The following TAX1BP3 variants were observed in gnomAD, a reference collection of about 807,000 sequenced individuals.
TAX1BP3 encodes the protein tax1-binding protein 3.
Under a neutral mutation model 15.3 loss-of-function variants are expected in TAX1BP3, and 13 were observed. That is an observed-to-expected ratio of 0.85 (90% confidence interval 0.55 to 1.35). The LOEUF is 1.35. Ranked by LOEUF, TAX1BP3 falls within the 40% of genes most tolerant of loss-of-function variation. The pLI, the probability that TAX1BP3 is intolerant of heterozygous loss-of-function variation, is 0.00. For synonymous variants in TAX1BP3, 70 were observed against 66.0 expected (o/e 1.06, Z -0.30); for missense variants, 147 against 169.6 (o/e 0.87, Z 0.74).
intron 2 of TAX1BP3, 130 bp downstream of exon 2, chr17:3,664,549 C>T (rs564877584): frequency 2.3e-4 from 309 of 1,335,226 alleles, no homozygotes; most frequent in Non-Finnish European, 3.1e-4. Context: ...AGGTCACTTC[C>T]GATGCCTTCT....
Position 3,663,057 on chromosome 17 carries a change from C to T in TAX1BP3, c.*691G>A, listed in dbSNP as rs900900699. On this transcript the variant is annotated 3_prime_UTR_variant, in exon 4 of 4. Coordinates refer to ENST00000225525, the MANE Select transcript of TAX1BP3 (RefSeq NM_014604.4). Reference sequence around the variant, plus strand: ...GCATCTCCAAAGAGTACGATAAAAACATTTTGTATCAAACTTGTGATTAAA... The same window carrying T: ...GCATCTCCAAAGAGTACGATAAAAATATTTTGTATCAAACTTGTGATTAAA... The T allele has an allele frequency of 6.6e-6, 1 of 152,212 alleles. No individual in the cohort carries two copies. Among genetic ancestry groups the T allele is most frequent in the Non-Finnish European group, 1.5e-5 (1 of 68,042 alleles). 9.4% of individuals were successfully genotyped at this position (152,212 alleles called of 1,614,324 possible). A position where few individuals can be genotyped will look rare whatever the true frequency, so the allele number is the denominator to read the frequency against.
chr17:3,664,216 C>G lies in TAX1BP3; in HGVS notation c.216G>C (p.Gln72His). Reference protein sequence around the residue: ...EGGPAEIAGLQIGDKIMQVNG... With the variant: ...EGGPAEIAGLHIGDKIMQVNG... ...TTACCTGCATGATCTTGTCTCCAAT[C>G]TGCAGCCCAGCGATTTCAGCAGGGC... Residue 72 changes from glutamine (Q) to histidine (H), a missense_variant, in exon 3 of 4, where the codon CAG becomes CAC. By Grantham distance (24) the Gln-to-His change is conservative. Transcript: ENST00000225525. 1 of 1,614,138 alleles carries G rather than the reference C, an allele frequency of 6.2e-7. No homozygotes were observed. The highest frequency in any genetic ancestry group is 8.5e-7 in the Non-Finnish European group (1 of 1,180,028).
rs7222502 is a variant in TAX1BP3 at position 3,664,399 on chromosome 17, T to C, written c.160-127A>G. 9.5e-3 allele frequency: 11,179 copies of C among 1,171,760 alleles called. 630 individuals are homozygous for C. The African/African-American group carries it at 0.13, about 14-fold the overall frequency. The allele number at this position is 1,171,760 out of a possible 1,614,324, so 72.6% of individuals were successfully genotyped here. A position where few individuals can be genotyped will look rare whatever the true frequency, so the allele number is the denominator to read the frequency against. ...TGCACCCAGCCTCTCCCAGCACATA[T>C]GGTCAGTGAGGACTGTTCTGAGAGA... On this transcript the variant is annotated intron_variant, in intron 2 of 3. Transcript: ENST00000225525.
Position 3,663,604 on chromosome 17 carries a change from A to C in TAX1BP3, c.*144T>G. ...AGGCCAGGGATGGGAGAAGGGAAGG[A>C]AGGCCAGGCCAGGCCTCTGGGACCA... On this transcript the variant is annotated 3_prime_UTR_variant, in exon 4 of 4. Transcript: ENST00000225525. 1 of 1,246,710 alleles carries C rather than the reference A, an allele frequency of 8.0e-7. No homozygotes were observed. Among genetic ancestry groups the C allele is most frequent in the South Asian group, 1.9e-5 (1 of 52,222 alleles). 77.2% of individuals were successfully genotyped at this position (1,246,710 alleles called of 1,614,324 possible).
At chr17:3,665,768 AAG>A in intron 1 of TAX1BP3, 11 of 594,642 alleles carry the variant, frequency 1.8e-5, no homozygotes, top group Admixed American at 8.5e-5. Flanking sequence ...AAAAAAAAGA[AAG>A]GAGAGGAAGG....
rs1013238286 is a variant in TAX1BP3, at chr17:3,663,025, A to G, written c.*723T>C. ...ATTAGTAAAAGCTAAATTCAAAAGT[A>G]GAATGGGCATCTCCAAAGAGTACGA... On this transcript the variant is annotated 3_prime_UTR_variant, in exon 4 of 4. Transcript: ENST00000225525. The G allele has an allele frequency of 4.6e-5, 7 of 152,268 alleles. No homozygotes were observed. The highest frequency in any genetic ancestry group is 1.7e-4 in the African/African-American group (7 of 41,462). 9.4% of individuals were successfully genotyped at this position (152,268 alleles called of 1,614,324 possible).
chr17:3,665,259 A>G, intron 1 of TAX1BP3: 2 of 1,389,032 alleles, frequency 1.4e-6, no homozygotes, highest in Non-Finnish European at 1.0e-6. Flanking sequence ...CACCGGATAT[A>G]TGTTCTCTAG....
At position 3,668,563 on chromosome 17, in the gene TAX1BP3, A is replaced by C; in HGVS notation, c.-37T>G. 6.3e-7 allele frequency: 1 copy of C among 1,582,178 alleles called. No individual in the cohort carries two copies. The highest frequency in any genetic ancestry group is 8.6e-7 in the Non-Finnish European group (1 of 1,166,024). On this transcript the variant is annotated 5_prime_UTR_variant, in exon 1 of 4. Transcript: ENST00000225525. This position sits in a 1 kb window ranked among gnomAD's most constrained non-coding sequence, Gnocchi z 4.1. ...TCTGGTCGCCCAGCGCCGCTCCGAG[A>C]AGCCGGCAGCAGAGTACCCGCGGTC... is the stretch of plus-strand genomic sequence containing the variant.
At position 3,663,588 on chromosome 17, in the gene TAX1BP3, A is replaced by C; in HGVS notation, c.*160T>G. On this transcript the variant is annotated 3_prime_UTR_variant, in exon 4 of 4. Coordinates refer to ENST00000225525, the MANE Select transcript of TAX1BP3 (RefSeq NM_014604.4). ...CGGTCCCAGAGGCCCCAGGCCAGGG[A>C]TGGGAGAAGGGAAGGAAGGCCAGGC... 7 of 1,079,704 alleles carry C rather than the reference A, an allele frequency of 6.5e-6. No homozygotes were observed. The highest frequency in any genetic ancestry group is 7.5e-6 in the Non-Finnish European group (6 of 797,642). The allele number at this position is 1,079,704 out of a possible 1,614,324, so 66.9% of individuals were successfully genotyped here. A position where few individuals can be genotyped will look rare whatever the true frequency, so the allele number is the denominator to read the frequency against.
At chr17:3,667,083 C>T (rs2076347767) in intron 1 of TAX1BP3, among the ~76,000 whole-genome samples, 1 of 152,142 alleles carries the variant, frequency 6.6e-6, no homozygotes, top group Non-Finnish European at 1.5e-5. Context: ...GTGCCTCACG[C>T]CTGTAATCCC....
At chr17:3,667,528 C>T (rs1234607690) in intron 1 of TAX1BP3, among the ~76,000 whole-genome samples, 1 of 152,186 alleles carries the variant, frequency 6.6e-6, no homozygotes, top group African/African-American at 2.4e-5. Context: ...TTCTCCAGCA[C>T]ACCCAACTGA....
At chr17:3,666,177 C>T (rs2076338724) in intron 1 of TAX1BP3, among the ~76,000 whole-genome samples, 1 of 152,114 alleles carries the variant, frequency 6.6e-6, no homozygotes, top group African/African-American at 2.4e-5. Flanking sequence ...CTAGACTAGA[C>T]CTAAAGAAGT....
chr17:3,664,392 G>T, intron 2 of TAX1BP3, 120 bp from the exon 3 acceptor site: 1 of 1,211,678 alleles, frequency 8.3e-7, no homozygotes, highest in Non-Finnish European at 1.2e-6. Flanking sequence ...GCCTCTCCCA[G>T]CACATATGGT....
At position 3,664,670 on chromosome 17, in the gene TAX1BP3, C is replaced by G. The variant is rs1410287171; in HGVS notation, c.159+9G>C. On this transcript the variant is annotated intron_variant, in intron 2 of 3. Coordinates refer to ENST00000225525, the MANE Select transcript of TAX1BP3 (RefSeq NM_014604.4). ...CATGGAGCGGTCCCAGGACCCCAGA[C>G]CCCCTCACCTTGTCCGTCTTGTCTT... 3 of 1,613,572 alleles carry G rather than the reference C, an allele frequency of 1.9e-6. No homozygotes were observed. Among genetic ancestry groups the G allele is most frequent in the South Asian group, 1.1e-5 (1 of 91,076 alleles).
Position 3,663,634 on chromosome 17 carries a change from T to C in TAX1BP3, c.*114A>G. The C allele has an allele frequency of 1.4e-6, 2 of 1,451,378 alleles. No homozygotes were observed. Among genetic ancestry groups the C allele is most frequent in the Non-Finnish European group, 1.8e-6 (2 of 1,092,602 alleles). 89.9% of individuals were successfully genotyped at this position (1,451,378 alleles called of 1,614,324 possible). ...CAGGCCAGGCCTCTGGGACCAGCTA[T>C]AGCCCTTCTGAGCTGGGGCCCAGCG... On this transcript the variant is annotated 3_prime_UTR_variant, in exon 4 of 4. Coordinates refer to ENST00000225525, the MANE Select transcript of TAX1BP3 (RefSeq NM_014604.4).
Position 3,664,704 on chromosome 17 carries a change from G to A in TAX1BP3, c.134C>T (p.Pro45Leu), listed in dbSNP as rs1013232990. 6.8e-6 allele frequency: 11 copies of A among 1,613,810 alleles called. No homozygotes were observed. The highest frequency in any genetic ancestry group is 9.3e-6 in the Non-Finnish European group (11 of 1,179,926). The change falls in exon 2 of 4, where the codon CCC (proline) becomes CTC (leucine). Residue 45 changes from proline (P) to leucine (L), a missense_variant. Physicochemically the swap from Pro to Leu is moderately conservative, Grantham distance 98. Transcript: ENST00000225525. ...CTTGTCCGTCTTGTCTTCAGAGAAG[G>A]GATTCTGGGAAGGATCCTGGTCGAT... is the stretch of plus-strand genomic sequence containing the variant. ...GGIDQDPSQN[P>L]FSEDKTDKGI...
intron 1 of TAX1BP3, among the ~76,000 whole-genome samples, chr17:3,665,892 A>G (rs2076336400): frequency 6.6e-6 from 1 of 152,164 alleles, no homozygotes; most frequent in African/African-American, 2.4e-5. Flanking sequence ...TGAAAGTGTA[A>G]GGCTGGGGCC....
In TAX1BP3 at chr17:3,664,731, C is replaced by A. The variant is rs754753363; in HGVS notation, c.107G>T (p.Gly36Val). The change falls in exon 2 of 4, where the codon GGA (glycine) becomes GTA (valine). Residue 36 changes from glycine to valine, a missense_variant. By Grantham distance (109) the Gly-to-Val change is moderately radical. Transcript: ENST00000225525. ...NLILGFSIGG[G>V]IDQDPSQNPF... Reference sequence around the variant, plus strand: ...ATTCTGGGAAGGATCCTGGTCGATTCCACCTCCAATGCTGAAACCCAGGAT... The same window carrying A: ...ATTCTGGGAAGGATCCTGGTCGATTACACCTCCAATGCTGAAACCCAGGAT... 6 of 1,613,750 alleles carry A rather than the reference C, an allele frequency of 3.7e-6. No homozygotes were observed. The highest frequency in any genetic ancestry group is 5.1e-6 in the Non-Finnish European group (6 of 1,179,924).
chr17:3,665,735 T>C (rs997814352), intron 1 of TAX1BP3: 1 of 336,170 alleles, frequency 3.0e-6, no homozygotes, highest in Non-Finnish European at 5.1e-6. Flanking sequence ...AAAGGATCTC[T>C]GGGCTCCAAA....
Sources: gnomAD v4.1 joint callset for allele counts (sites outside exome capture counted in the v4.1 genomes callset) on GRCh38, gnomAD v4.1.1 for gene constraint, Gnocchi (gnomAD v3.1) non-coding constraint, MANE v1.5 for transcripts, NCBI Gene and HGNC (gene_info 2026-07-23, HGNC 2026-07-21) for gene names.